Variants in MTREX observed in about 807,000 individuals in gnomAD.
MTREX encodes Mtr4 exosome RNA helicase, also known as exosome RNA helicase MTR4.
MTREX carries 76 observed loss-of-function variants against 135.4 expected under a neutral mutation model. The ratio of observed to expected loss-of-function variants is 0.56; its 90% CI spans 0.47 to 0.68. The LOEUF (loss-of-function observed/expected upper bound fraction) is 0.68. Ranked by LOEUF, MTREX falls within the 30% of genes least tolerant of loss-of-function variation. MTREX has a pLI of 0.00. For missense variants in MTREX, 920 were observed against 1,262.1 expected, an observed-to-expected ratio of 0.73 and a Z score of 4.11; for synonymous variants, 404 against 401.6, an observed-to-expected ratio of 1.01 and a Z score of -0.07.
intron 18 of MTREX, among the ~76,000 whole-genome samples, chr5:55,382,719 G>C (rs1056137460): frequency 6.6e-6 from 1 of 151,838 alleles, no homozygotes; most frequent in Admixed American, 6.6e-5. Flanking sequence ...GGCAACCTCC[G>C]CCTCCCAGGT....
intron 18 of MTREX, among the ~76,000 whole-genome samples, chr5:55,387,698 T>C (rs895553346): frequency 3.9e-5 from 6 of 152,124 alleles, no homozygotes; most frequent in Admixed American, 6.5e-5. Flanking sequence ...AATTTTAGTT[T>C]CTTAACATTA....
intron 5 of MTREX, among the ~76,000 whole-genome samples, chr5:55,333,896 C>T (rs770870700): frequency 1.3e-5 from 2 of 152,080 alleles, no homozygotes; most frequent in Admixed American, 1.3e-4. Context: ...CAAATCTTCA[C>T]AGCAGCGCTA....
chr5:55,373,419 T>C (rs1243632380), intron 16 of MTREX, among the ~76,000 whole-genome samples: 1 of 152,094 alleles, frequency 6.6e-6, no homozygotes, highest in African/African-American at 2.4e-5. Flanking sequence ...TGGGGAACTT[T>C]TGGATAGCTA....
rs35074192 is a variant in MTREX, at chr5:55,362,083, ATT to A, written c.1659+3406_1659+3407del. On this transcript the variant is annotated intron_variant, in intron 15 of 26. Transcript: ENST00000230640. The stretch of plus-strand genomic sequence containing the variant: ...AGGCATGCACCACCACGTCTGGCTA[ATT>A]TTTTTTTTTTTTTTTTTTTTGTATT... Among the ~76,000 whole-genome samples the A allele has an allele frequency of 9.0e-5, 10 of 111,144 alleles. 1 individual carries two copies. Among genetic ancestry groups the A allele is most frequent in the African/African-American group, 3.1e-4 (8 of 25,880 alleles). 72.9% of individuals were successfully genotyped at this position (111,144 alleles called of 152,430 possible). A position where few individuals can be genotyped will look rare whatever the true frequency, so the allele number is the denominator to read the frequency against.
In MTREX at chr5:55,410,597, G is replaced by C; in HGVS notation, c.2719G>C (p.Ala907Pro). 1 of 1,608,836 alleles carries C rather than the reference G, an allele frequency of 6.2e-7. No individual in the cohort carries two copies. Among genetic ancestry groups the C allele is most frequent in the Middle Eastern group, 1.7e-4 (1 of 6,046 alleles). Residue 907 changes from alanine (A) to proline (P), a missense_variant, in exon 23 of 27, where the codon GCA becomes CCA. Ala to Pro is a conservative substitution (Grantham distance 27, BLOSUM62 -1). Around this residue, in one of 6 missense-constraint regions of MTREX, gnomAD observed 467 missense variants for 589.7 expected, o/e 0.79. Transcript: ENST00000230640. ...TGACCTTTCTGCAGAACAGGCAACA[G>C]CATTATTAAGCTGCTTTGTGTTTCA... is the stretch of plus-strand genomic sequence containing the variant. Reference protein sequence around the residue: ...FNDLSAEQATALLSCFVFQEN... With the variant: ...FNDLSAEQATPLLSCFVFQEN...
chr5:55,357,699 G>A (rs1749943211), intron 14 of MTREX, among the ~76,000 whole-genome samples: 1 of 152,126 alleles, frequency 6.6e-6, no homozygotes, highest in African/African-American at 2.4e-5. Context: ...GACCTATAGT[G>A]GTTTTTAACT....
intron 12 of MTREX, 25 bp from the exon 13 acceptor site, chr5:55,350,894 A>C: frequency 6.5e-7 from 1 of 1,530,998 alleles, no homozygotes; most frequent in Non-Finnish European, 8.9e-7. Flanking sequence ...ATCATTATAA[A>C]ATCAGTGTTA....
intron 19 of MTREX, among the ~76,000 whole-genome samples, chr5:55,396,851 G>A (rs1354560094): frequency 6.6e-6 from 1 of 152,140 alleles, no homozygotes; most frequent in African/African-American, 2.4e-5. Flanking sequence ...GAGGCTCTCT[G>A]GATTCAAGAG....
intron 11 of MTREX, among the ~76,000 whole-genome samples, chr5:55,349,158 C>G (rs1749784441): frequency 6.7e-6 from 1 of 150,060 alleles, no homozygotes; most frequent in African/African-American, 2.5e-5. Flanking sequence ...TTAAATGCCA[C>G]CTCTTTACTT....
intron 5 of MTREX, among the ~76,000 whole-genome samples, chr5:55,336,523 A>G (rs548736017): frequency 3.1e-4 from 47 of 152,322 alleles, no homozygotes; most frequent in African/African-American, 1.1e-3. Context: ...TTAGTGTACT[A>G]TATTAAATTT....
rs750512165 is a variant in MTREX, at chr5:55,324,170, T to C, written c.311T>C (p.Val104Ala). ...DLMPRVKVQS[V>A]ETVEGCTHEV... Reference sequence around the variant, plus strand: ...ATGCCCAGAGTCAAGGTACAATCAGTTGAAACTGTTGAAGGGTGTACACAT... The same window carrying C: ...ATGCCCAGAGTCAAGGTACAATCAGCTGAAACTGTTGAAGGGTGTACACAT... The change falls in exon 3 of 27, where the codon GTT (valine) becomes GCT (alanine). Residue 104 changes from valine (V) to alanine (A), a missense_variant. Val to Ala is a moderately conservative substitution (Grantham distance 64, BLOSUM62 0). Coordinates refer to ENST00000230640, the MANE Select transcript of MTREX (RefSeq NM_015360.5). 5 of 1,611,054 alleles carry C rather than the reference T, an allele frequency of 3.1e-6. No homozygotes were observed. The highest frequency in any genetic ancestry group is 4.2e-6 in the Non-Finnish European group (5 of 1,178,538).
chr5:55,349,607 T>C lies in MTREX; in HGVS notation c.1275T>C (p.Ser425=). The C allele has an allele frequency of 6.2e-7, 1 of 1,605,366 alleles. No individual in the cohort carries two copies. Among genetic ancestry groups the C allele is most frequent in the Non-Finnish European group, 8.5e-7 (1 of 1,172,354 alleles). The change falls in exon 12 of 27, where the codon AGT becomes AGC. Residue 425 remains serine, a synonymous_variant. Coordinates refer to ENST00000230640, the MANE Select transcript of MTREX (RefSeq NM_015360.5). ...EEKKMVEEVF[S]NAIDCLSDED... Reference sequence around the variant, plus strand: ...AGAAGATGGTTGAAGAAGTATTCAGTAATGCAATTGATTGCTTATCCGATG... The same window carrying C: ...AGAAGATGGTTGAAGAAGTATTCAGCAATGCAATTGATTGCTTATCCGATG...
rs78185155 is a variant in MTREX at position 55,358,730 on chromosome 5, A to G, written c.1659+32A>G. The G allele has an allele frequency of 9.8e-3, 15,182 of 1,541,586 alleles. 112 individuals carry two copies. Among genetic ancestry groups the G allele is most frequent in the Non-Finnish European group, 0.012 (13,263 of 1,150,438 alleles). ...ACATTAAGATTGTGTACCTTTACCAAGAATTCCAGAAATATACTTCAGGAG... is the reference window on the plus strand; with the variant it reads ...ACATTAAGATTGTGTACCTTTACCAGGAATTCCAGAAATATACTTCAGGAG... On this transcript the variant is annotated intron_variant, in intron 15 of 26. Transcript: ENST00000230640.
At chr5:55,387,872 A>G in intron 18 of MTREX, 102 bp from the exon 19 acceptor site, 1 of 1,149,310 alleles carries the variant, frequency 8.7e-7, no homozygotes, top group Non-Finnish European at 1.2e-6. Context: ...TGTGTCAGTC[A>G]TAATGCTAAA....
chr5:55,332,602 C>T (rs540942156), intron 5 of MTREX, among the ~76,000 whole-genome samples: 3 of 152,150 alleles, frequency 2.0e-5, no homozygotes, highest in Non-Finnish European at 2.9e-5. Context: ...AGGCCTCTGG[C>T]GAGAGTCATC....
intron 12 of MTREX, 109 bp from the exon 13 acceptor site, chr5:55,350,810 A>C (rs1359303777): frequency 8.0e-6 from 7 of 872,900 alleles, no homozygotes; most frequent in Non-Finnish European, 8.8e-6. Flanking sequence ...GATTTTATTA[A>C]GTTTCTTTAA....
In MTREX at chr5:55,414,251, T is replaced by TG. The variant is rs773060634; in HGVS notation, c.2808+13_2808+14insG. The TG allele has an allele frequency of 1.9e-6, 3 of 1,560,164 alleles. No individual in the cohort carries two copies. The highest frequency in any genetic ancestry group is 2.6e-6 in the Non-Finnish European group (3 of 1,162,566). ...TCGTCAAATGCAGGTAAGGTTTTTT[T>TG]TTTTTTTTTTTGAACTACATATTTT... On this transcript the variant is annotated intron_variant, in intron 24 of 26. Transcript: ENST00000230640.
rs1749681325 is a variant in MTREX, at chr5:55,343,365, G to T, written c.816G>T (p.Leu272Phe). The T allele has an allele frequency of 1.2e-6, 2 of 1,611,486 alleles. No individual in the cohort carries two copies. Among genetic ancestry groups the T allele is most frequent in the East Asian group, 4.5e-5 (2 of 44,792 alleles). The change falls in exon 8 of 27, where the codon TTG (leucine) becomes TTT (phenylalanine). Residue 272 changes from leucine to phenylalanine, a missense_variant. Coordinates refer to ENST00000230640, the MANE Select transcript of MTREX (RefSeq NM_015360.5). ...TAGTATGGGAAGAAACTATTATTTTGCTTCCTGATAACGTCCACTATGTCT... is the reference window on the plus strand; with the variant it reads ...TAGTATGGGAAGAAACTATTATTTTTCTTCCTGATAACGTCCACTATGTCT... ...RGVVWEETII[L>F]LPDNVHYVFL...
In MTREX at chr5:55,387,878, C is replaced by T. The variant is rs983137461; in HGVS notation, c.2053-96C>T. On this transcript the variant is annotated intron_variant, in intron 18 of 26. Transcript: ENST00000230640. ...TACACAGTTTGTGTCAGTCATAATG[C>T]TAAATGCTGAGAAAATAGTTCCTAT... The T allele has an allele frequency of 1.1e-5, 13 of 1,219,404 alleles. No individual in the cohort carries two copies. In the African/African-American group the frequency reaches 1.8e-4, roughly 17 times the overall value. The allele number at this position is 1,219,404 out of a possible 1,614,324, so 75.5% of individuals were successfully genotyped here.
Sources: gnomAD v4.1 joint callset for allele counts (sites outside exome capture counted in the v4.1 genomes callset) on GRCh38, gnomAD v4.1.1 for gene constraint, gnomAD v4.1.1 regional missense constraint, MANE v1.5 for transcripts, NCBI Gene and HGNC (gene_info 2026-07-23, HGNC 2026-07-21) for gene names.